The following HEYL variants were observed in gnomAD, a reference collection of about 807,000 sequenced individuals.
The protein encoded by HEYL is hes related family bHLH transcription factor with YRPW motif like, also known as hairy/enhancer-of-split related with YRPW motif-like protein.
A neutral mutation model predicts 18.6 loss-of-function variants in HEYL; 12 were observed. That is an observed-to-expected ratio of 0.65 (90% CI 0.41 to 1.05). HEYL has a LOEUF of 1.05. HEYL is among the 50% of genes least tolerant of loss of function. HEYL has a pLI of 0.00. For synonymous variants in HEYL, 159 were observed against 179.6 expected (o/e 0.89, Z 0.91); for missense variants, 420 against 444.7 (o/e 0.94, Z 0.50).
chr1:39,633,094 G>A (rs1477010584), intron 1 of HEYL: 2 of 983,674 alleles, frequency 2.0e-6, no homozygotes, highest in East Asian at 2.3e-4. Context: ...TTCAGAGGGA[G>A]CCGCTGGGAA....
At position 39,627,155 on chromosome 1, in the gene HEYL, T is replaced by C; in HGVS notation, c.339A>G (p.Ala113=). The change falls in exon 5 of 5, where the codon GCA becomes GCG. Residue 113 remains alanine (A), a synonymous_variant. Transcript: ENST00000372852. ...GTGFFDARAL[A]VDFRSIGFRE... Reference sequence around the variant, plus strand: ...GAAAACCAATGCTCCGGAAGTCAACTGCCAGGGCTCGGGCATCAAAGAATC... The same window carrying C: ...GAAAACCAATGCTCCGGAAGTCAACCGCCAGGGCTCGGGCATCAAAGAATC... 1 of 1,612,716 alleles carries C rather than the reference T, an allele frequency of 6.2e-7. No individual in the cohort carries two copies. Among genetic ancestry groups the C allele is most frequent in the Non-Finnish European group, 8.5e-7 (1 of 1,178,890 alleles).
intron 1 of HEYL, among the ~76,000 whole-genome samples, chr1:39,634,347 G>A (rs1445066190): frequency 6.6e-6 from 1 of 152,148 alleles, no homozygotes. Context: ...TGCCCGCCTT[G>A]GCCTCCCAAA....
intron 3 of HEYL, 27 bp from the exon 4 acceptor site, chr1:39,630,335 G>A: frequency 6.3e-7 from 1 of 1,580,414 alleles, no homozygotes; most frequent in African/African-American, 1.3e-5. Flanking sequence ...CAGAAGGGTG[G>A]AGCCTGCAGC....
At position 39,631,576 on chromosome 1, in the gene HEYL, T is replaced by A; in HGVS notation, c.151A>T (p.Ile51Leu). The A allele has an allele frequency of 6.2e-7, 1 of 1,614,090 alleles. No individual in the cohort carries two copies. The highest frequency in any genetic ancestry group is 8.5e-7 in the Non-Finnish European group (1 of 1,179,888). The part of the protein sequence containing the change: ...MQARKKHRGI[I>L]EKRRRDRINS... ...ATGCGGTCTCGACGCCGTTTCTCTATGATCTAAACAATCATGACAAGAAGT... is the reference window on the plus strand; with the variant it reads ...ATGCGGTCTCGACGCCGTTTCTCTAAGATCTAAACAATCATGACAAGAAGT... Residue 51 changes from isoleucine to leucine, a missense_variant, in exon 3 of 5, where the codon ATA becomes TTA. Coordinates refer to ENST00000372852, the MANE Select transcript of HEYL (RefSeq NM_014571.4).
chr1:39,637,395 T>C (rs1646366680), intron 1 of HEYL, among the ~76,000 whole-genome samples: 2 of 152,226 alleles, frequency 1.3e-5, no homozygotes, highest in African/African-American at 4.8e-5. Context: ...GCCTCCGTCC[T>C]GCGGCCTTTG....
chr1:39,633,073 G>A, intron 1 of HEYL: 1 of 982,330 alleles, frequency 1.0e-6, no homozygotes, highest in Non-Finnish European at 1.2e-6. Flanking sequence ...GCTGGGCCGG[G>A]CGGGTTGGGT....
Position 39,631,502 on chromosome 1 carries a change from C to G in HEYL, c.225G>C (p.Glu75Asp), listed in dbSNP as rs745657046. Reference sequence around the variant, plus strand: ...AATCAGCAATGTCACATACCTGTTTCTCAAAGGCAGTGGGGACCAAGCGTC... The same window carrying G: ...AATCAGCAATGTCACATACCTGTTTGTCAAAGGCAGTGGGGACCAAGCGTC... ...ELRRLVPTAF[E>D]KQGSSKLEKA... Residue 75 changes from glutamate (E) to aspartate (D), a missense_variant, in exon 3 of 5, where the codon GAG becomes GAC. Transcript: ENST00000372852. The G allele has an allele frequency of 5.0e-6, 8 of 1,614,074 alleles. No homozygotes were observed. The highest frequency in any genetic ancestry group is 6.8e-6 in the Non-Finnish European group (8 of 1,179,912).
intron 1 of HEYL, 100 bp downstream of exon 1, chr1:39,639,446 G>T: frequency 2.1e-6 from 2 of 936,750 alleles, no homozygotes; most frequent in Non-Finnish European, 1.5e-6. Context: ...CTCTGCCCAG[G>T]CGGTGCTGGA....
At chr1:39,636,043 T>G (rs1646361121) in intron 1 of HEYL, among the ~76,000 whole-genome samples, 1 of 152,202 alleles carries the variant, frequency 6.6e-6, no homozygotes, top group Non-Finnish European at 1.5e-5. Flanking sequence ...CCCTCAGTGC[T>G]GACTTCCCCT....
intron 2 of HEYL, among the ~76,000 whole-genome samples, chr1:39,632,388 C>T (rs993599854): frequency 6.6e-6 from 1 of 152,232 alleles, no homozygotes; most frequent in African/African-American, 2.4e-5. Flanking sequence ...TAGAGCATTA[C>T]ATTAATGCAC....
At position 39,632,917 on chromosome 1, in the gene HEYL, C is replaced by T. The variant is rs1180557651; in HGVS notation, c.81-202G>A. ...TTTGGGCTCTTGGTCCGGACCTGCT[C>T]GGCCTCGCCCTTCGCCCCTCGCTCC... On this transcript the variant is annotated intron_variant, in intron 1 of 4. Transcript: ENST00000372852. 5.1e-6 allele frequency: 5 copies of T among 985,228 alleles called. No homozygotes were observed. In the African/African-American group the frequency reaches 7.0e-5, roughly 14 times the overall value. The allele number at this position is 985,228 out of a possible 1,614,324, so 61.0% of individuals were successfully genotyped here. A position where few individuals can be genotyped will look rare whatever the true frequency, so the allele number is the denominator to read the frequency against.
At chr1:39,634,212 A>G (rs2124119695) in intron 1 of HEYL, among the ~76,000 whole-genome samples, 1 of 152,312 alleles carries the variant, frequency 6.6e-6, no homozygotes, top group East Asian at 1.9e-4. Context: ...CTCCTGCCTC[A>G]GCCTCCGAAA....
At chr1:39,633,193 T>C in intron 1 of HEYL, 1 of 848,060 alleles carries the variant, frequency 1.2e-6, no homozygotes, top group Non-Finnish European at 1.4e-6. Context: ...TGCCGCCTCC[T>C]CCCACGCGGT....
At chr1:39,630,569 G>C (rs143681848) in intron 3 of HEYL, among the ~76,000 whole-genome samples, 1 of 152,244 alleles carries the variant, frequency 6.6e-6, no homozygotes, top group East Asian at 1.9e-4. Context: ...CTGTTTCTGG[G>C]CTCTCCTTTC....
At position 39,626,282 on chromosome 1, in the gene HEYL, C is replaced by G. The variant is rs1337340002; in HGVS notation, c.*225G>C. On this transcript the variant is annotated 3_prime_UTR_variant, in exon 5 of 5. Transcript: ENST00000372852. ...CATCTGTTCAGGTGAGAAATGGAAC[C>G]AAGCCTCTGAGACCAGAACAGCTCC... 1.3e-5 allele frequency: 7 copies of G among 529,940 alleles called. No individual in the cohort carries two copies. The highest frequency in any genetic ancestry group is 1.2e-4 in the African/African-American group (6 of 50,940). The allele number at this position is 529,940 out of a possible 1,614,324, so 32.8% of individuals were successfully genotyped here. A position where few individuals can be genotyped will look rare whatever the true frequency, so the allele number is the denominator to read the frequency against.
chr1:39,634,552 C>T (rs750676096), intron 1 of HEYL, among the ~76,000 whole-genome samples: 2 of 152,192 alleles, frequency 1.3e-5, no homozygotes. Context: ...CTAGGTCCAC[C>T]ATCTTTGGTT....
At position 39,623,698 on chromosome 1, in the gene HEYL, G is replaced by T. The variant is rs12022423; in HGVS notation, c.*2809C>A. 0.036 allele frequency among the ~76,000 whole-genome samples: 5,488 copies of T among 152,332 alleles called. 363 individuals carry two copies. Among genetic ancestry groups the T allele is most frequent in the East Asian group, 0.32 (1,653 of 5,176 alleles). On this transcript the variant is annotated 3_prime_UTR_variant, in exon 5 of 5. Coordinates refer to ENST00000372852, the MANE Select transcript of HEYL (RefSeq NM_014571.4). ...AGGAAGGCCTCTTGGACGAGGCAACGTTGAAGCCAAGGCCTGAGGGTCTGC... is the reference window on the plus strand; with the variant it reads ...AGGAAGGCCTCTTGGACGAGGCAACTTTGAAGCCAAGGCCTGAGGGTCTGC...
At chr1:39,633,034 G>A in intron 1 of HEYL, 2 of 967,206 alleles carry the variant, frequency 2.1e-6, no homozygotes, top group Non-Finnish European at 1.2e-6. Flanking sequence ...GGGGCGGGGC[G>A]GGCGAGGGCA....
At chr1:39,636,229 C>T (rs1383341225) in intron 1 of HEYL, among the ~76,000 whole-genome samples, 1 of 151,248 alleles carries the variant, frequency 6.6e-6, no homozygotes, top group East Asian at 1.9e-4. Context: ...AGAGGAAAAT[C>T]GGAACTACAG....
Sources: allele counts gnomAD v4.1 joint callset (sites outside exome capture counted in the v4.1 genomes callset), GRCh38; gene constraint gnomAD v4.1.1; transcripts MANE v1.5; gene names NCBI Gene and HGNC (gene_info 2026-07-23, HGNC 2026-07-21).